The following STRBP variants were observed in gnomAD, a reference collection of about 807,000 sequenced individuals.
The protein encoded by STRBP is spermatid perinuclear RNA binding protein, also known as spermatid perinuclear RNA-binding protein.
Under a neutral mutation model 80.1 loss-of-function variants are expected in STRBP, and 13 were observed. That is an observed-to-expected ratio of 0.16 (90% confidence interval 0.11 to 0.26). STRBP has a LOEUF of 0.26. STRBP is among the 10% of genes least tolerant of loss of function. The pLI, the probability that STRBP is intolerant of heterozygous loss-of-function variation, is 1.00. For missense variants in STRBP, 485 were observed against 815.2 expected (o/e 0.59, Z 4.93); for synonymous variants, 284 against 291.2 (o/e 0.98, Z 0.25).
rs1321854434 is a variant in STRBP, at chr9:123,139,687, C to T, written c.1339G>A (p.Val447Ile). 1.2e-6 allele frequency: 2 copies of T among 1,608,248 alleles called. No homozygotes were observed. The highest frequency in any genetic ancestry group is 1.7e-6 in the Non-Finnish European group (2 of 1,178,762). Reference sequence around the variant, plus strand: ...GTTGGATATCCCATTGCCTGCAATACCTGTACAAATTACATTAAAATGCAG... The same window carrying T: ...GTTGGATATCCCATTGCCTGCAATATCTGTACAAATTACATTAAAATGCAG... ...KTAKLHVAVK[V>I]LQAMGYPTGF... Residue 447 changes from valine (V) to isoleucine (I), a missense_variant and splice_region_variant, in exon 14 of 19, where the codon GTA (valine) becomes ATA (isoleucine). Transcript: ENST00000348403.
chr9:123,237,354 A>T (rs2040591506), intron 1 of STRBP, among the ~76,000 whole-genome samples: 1 of 152,154 alleles, frequency 6.6e-6, no homozygotes, highest in Non-Finnish European at 1.5e-5. Context: ...TGCACTCCCA[A>T]GAACATTTCA....
At chr9:123,211,199 C>T (rs940623752) in intron 2 of STRBP, among the ~76,000 whole-genome samples, 3 of 152,094 alleles carry the variant, frequency 2.0e-5, no homozygotes, top group Non-Finnish European at 2.9e-5. Flanking sequence ...GATTATTCGA[C>T]AAAGTGAATG....
At position 123,240,523 on chromosome 9, in the gene STRBP, G is replaced by A. The variant is rs559846783; in HGVS notation, c.-301-3557C>T. ...TTTGTCTCCTCTTATCTTTCAACAG[G>A]ATTGATAGAATCAATGGATATCACA... On this transcript the variant is annotated intron_variant, in intron 1 of 18. Coordinates refer to ENST00000348403, the MANE Select transcript of STRBP (RefSeq NM_018387.5). Among the ~76,000 whole-genome samples, 3 of 152,316 alleles carry A rather than the reference G, an allele frequency of 2.0e-5. No individual in the cohort carries two copies. The South Asian group carries it at 6.2e-4, about 32-fold the overall frequency.
chr9:123,169,442 A>G (rs574019140), intron 6 of STRBP, among the ~76,000 whole-genome samples: 4 of 152,248 alleles, frequency 2.6e-5, no homozygotes, highest in African/African-American at 7.2e-5. Context: ...AAGTGCTGGG[A>G]TTACAGGCAT....
intron 2 of STRBP, among the ~76,000 whole-genome samples, chr9:123,191,063 GA>G (rs2038906130): frequency 6.6e-6 from 1 of 152,146 alleles, no homozygotes; most frequent in African/African-American, 2.4e-5. Context: ...TTTAAGTCCA[GA>G]AGAGGGAAAT....
At chr9:123,231,930 A>C (rs2040409485) in intron 2 of STRBP, among the ~76,000 whole-genome samples, 1 of 152,142 alleles carries the variant, frequency 6.6e-6, no homozygotes, top group Admixed American at 6.5e-5. Flanking sequence ...ACCTAAACAC[A>C]CTATGCCATT....
chr9:123,170,131 T>G, intron 5 of STRBP, 85 bp from the exon 6 acceptor site: 1 of 1,333,098 alleles, frequency 7.5e-7, no homozygotes, highest in Non-Finnish European at 1.0e-6. Flanking sequence ...TACTAAGTTC[T>G]CGAATGTTAC....
intron 2 of STRBP, among the ~76,000 whole-genome samples, chr9:123,232,791 G>A (rs1192704990): frequency 6.6e-6 from 1 of 152,188 alleles, no homozygotes; most frequent in Non-Finnish European, 1.5e-5. Flanking sequence ...CTTGGTTCCA[G>A]CCCTTCCCAA....
At chr9:123,173,623 A>G in intron 5 of STRBP, 54 bp downstream of exon 5, 1 of 1,541,876 alleles carries the variant, frequency 6.5e-7, no homozygotes, top group East Asian at 2.3e-5. Context: ...CAAAGTCACT[A>G]CCTATTTCAC....
At chr9:123,185,699 T>C (rs908121334) in intron 2 of STRBP, among the ~76,000 whole-genome samples, 1 of 152,150 alleles carries the variant, frequency 6.6e-6, no homozygotes, top group Non-Finnish European at 1.5e-5. Context: ...TCTAAGGGAT[T>C]CGGCTAGTCA....
chr9:123,134,714 A>G (rs2036284087), intron 16 of STRBP, among the ~76,000 whole-genome samples: 1 of 152,204 alleles, frequency 6.6e-6, no homozygotes. Context: ...TAGTAGAACA[A>G]ACTTAACTAC....
chr9:123,158,549 A>C, intron 9 of STRBP, 120 bp from the exon 10 acceptor site: 1 of 813,530 alleles, frequency 1.2e-6, no homozygotes, highest in Non-Finnish European at 1.9e-6. Context: ...CTGAGGAACT[A>C]AGTTAAAAGT....
At chr9:123,140,624 A>T (rs1588470121) in intron 13 of STRBP, among the ~76,000 whole-genome samples, 2 of 152,052 alleles carry the variant, frequency 1.3e-5, no homozygotes, top group African/African-American at 4.8e-5. Context: ...CAAACAAACA[A>T]ACAAAAAAAA....
chr9:123,177,816 T>A (rs191741799), intron 4 of STRBP, among the ~76,000 whole-genome samples: 20 of 152,284 alleles, frequency 1.3e-4, no homozygotes, highest in African/African-American at 3.4e-4. Flanking sequence ...AATAAAAAAA[T>A]TTTTAACATG....
rs552453689 is a variant in STRBP, at chr9:123,184,540, A to G, written c.-164-242T>C. Among the ~76,000 whole-genome samples the G allele has an allele frequency of 4.0e-4, 61 of 152,328 alleles. 1 individual carries two copies. Among genetic ancestry groups the G allele is most frequent in the African/African-American group, 1.4e-3 (58 of 41,578 alleles). ...GTGGCAGCTGGCTGACTAGCACTCA[A>G]TGAGATAAATACATTTGCAAAGAGA... On this transcript the variant is annotated intron_variant, in intron 2 of 18. Transcript: ENST00000348403.
chr9:123,111,538 G>A (rs1292304576), intron 3 of STRBP: 2 of 435,240 alleles, frequency 4.6e-6, no homozygotes, highest in East Asian at 7.9e-5. Context: ...ACCTGTGCCT[G>A]TAGGCAGGGG....
At chr9:123,215,125 G>T (rs2039852892) in intron 2 of STRBP, among the ~76,000 whole-genome samples, 1 of 152,064 alleles carries the variant, frequency 6.6e-6, no homozygotes, top group East Asian at 1.9e-4. Context: ...GGAGTGCAGT[G>T]GCACAATTAT....
chr9:123,225,334 T>G (rs774548074), intron 2 of STRBP, among the ~76,000 whole-genome samples: 1 of 152,164 alleles, frequency 6.6e-6, no homozygotes, highest in South Asian at 2.1e-4. Flanking sequence ...AAAAGACAGA[T>G]GGGGAAAAAG....
At chr9:123,235,584 C>CAAAAAAAAAAAAAAAAAAAAAAA (rs71390421) in intron 2 of STRBP, among the ~76,000 whole-genome samples, 1 of 36,530 alleles carries the variant, frequency 2.7e-5, no homozygotes, top group African/African-American at 8.2e-5. Context: ...ACAAGTTCAG[C>CAAAAAAAAAAAAAAAAAAAAAAA]AAAAAAAAAA....
Sources: allele counts gnomAD v4.1 joint callset (sites outside exome capture counted in the v4.1 genomes callset), GRCh38; gene constraint gnomAD v4.1.1; transcripts MANE v1.5; gene names NCBI Gene and HGNC (gene_info 2026-07-23, HGNC 2026-07-21).